The following TRAPPC9 variants were observed in gnomAD, a reference collection of about 807,000 sequenced individuals.
TRAPPC9 encodes the protein IKK2 binding protein.
A neutral mutation model predicts 124.0 loss-of-function variants in TRAPPC9; 83 were observed. That is an observed-to-expected ratio of 0.67 (90% CI 0.56 to 0.80). The LOEUF is 0.80. Ranked by LOEUF, TRAPPC9 falls within the 30% of genes least tolerant of loss-of-function variation. The pLI, the probability that TRAPPC9 is intolerant of heterozygous loss-of-function variation, is 0.00. For synonymous variants in TRAPPC9, 638 were observed against 617.5 expected, an observed-to-expected ratio of 1.03 and a Z score of -0.49; for missense variants, 1,302 against 1,508.3, an observed-to-expected ratio of 0.86 and a Z score of 2.27.
chr8:140,033,017 C>A (rs6999798), intron 17 of TRAPPC9, among the ~76,000 whole-genome samples: 64,065 of 152,046 alleles, frequency 0.42, 16,218 homozygotes, highest in Middle Eastern at 0.62. Flanking sequence ...GGCACATTTT[C>A]ATGCCTTTTT....
intron 17 of TRAPPC9, among the ~76,000 whole-genome samples, chr8:140,045,631 G>GAAAAAAA (rs57243402): frequency 4.2e-4 from 14 of 33,266 alleles, no homozygotes; most frequent in African/African-American, 1.2e-3. Context: ...CATCTCGGCA[G>GAAAAAAA]AAAAAAAAAA....
chr8:140,340,692 T>G (rs928431612), intron 9 of TRAPPC9, among the ~76,000 whole-genome samples: 10 of 152,250 alleles, frequency 6.6e-5, no homozygotes, highest in African/African-American at 2.4e-4. Context: ...TCTGCCTGAC[T>G]TTAAAGATCA....
chr8:139,815,740 G>A (rs935659253), intron 21 of TRAPPC9, among the ~76,000 whole-genome samples: 2 of 152,338 alleles, frequency 1.3e-5, no homozygotes, highest in South Asian at 4.1e-4. Context: ...CTGACAGGAG[G>A]GACTGTGCTA....
At chr8:139,753,928 A>T (rs564098341) in intron 21 of TRAPPC9, among the ~76,000 whole-genome samples, 2 of 152,318 alleles carry the variant, frequency 1.3e-5, no homozygotes, top group South Asian at 4.1e-4. Flanking sequence ...AAGCACCCCC[A>T]TCATGGTTGT....
At chr8:140,195,268 T>C (rs75567958) in intron 17 of TRAPPC9, among the ~76,000 whole-genome samples, 18 of 125,876 alleles carry the variant, frequency 1.4e-4, no homozygotes, top group South Asian at 2.6e-4. Context: ...CAACGATCCA[T>C]CATACAGATC....
At chr8:140,092,750 T>G (rs1219824782) in intron 17 of TRAPPC9, among the ~76,000 whole-genome samples, 1 of 152,222 alleles carries the variant, frequency 6.6e-6, no homozygotes, top group African/African-American at 2.4e-5. Context: ...CTCTGGGTGC[T>G]GGAAATGATG....
chr8:140,329,510 C>G (rs2066839874), intron 9 of TRAPPC9, among the ~76,000 whole-genome samples: 1 of 152,194 alleles, frequency 6.6e-6, no homozygotes, highest in Non-Finnish European at 1.5e-5. Flanking sequence ...CATTGCCTTA[C>G]TTAATATTTA....
intron 21 of TRAPPC9, among the ~76,000 whole-genome samples, chr8:139,789,282 T>C (rs747455888): frequency 1.3e-5 from 2 of 152,132 alleles, no homozygotes; most frequent in Admixed American, 1.3e-4. Flanking sequence ...TGAGGGGAGC[T>C]GCGTGGTTGG....
intron 16 of TRAPPC9, among the ~76,000 whole-genome samples, chr8:140,246,023 G>A (rs1421799165): frequency 5.3e-5 from 8 of 152,166 alleles, no homozygotes; most frequent in Non-Finnish European, 7.4e-5. Flanking sequence ...GTCCAATCGC[G>A]CAGTCTACAT....
At chr8:139,853,428 G>C (rs115981912) in intron 21 of TRAPPC9, among the ~76,000 whole-genome samples, 1 of 152,304 alleles carries the variant, frequency 6.6e-6, no homozygotes, top group African/African-American at 2.4e-5. Flanking sequence ...TCACCAAAGA[G>C]ACTCTGCCCC....
intron 5 of TRAPPC9, among the ~76,000 whole-genome samples, chr8:140,406,628 T>C (rs2069499874): frequency 6.6e-6 from 1 of 152,186 alleles, no homozygotes; most frequent in Admixed American, 6.5e-5. Context: ...CAAAAGGTTT[T>C]TTGGAACAAG....
At position 139,731,036 on chromosome 8, in the gene TRAPPC9, G is replaced by A. The variant is rs759094680; in HGVS notation, c.*25C>T. Reference sequence around the variant, plus strand: ...AGGCAGGGTCACCTCTGGCCCTGCAGAAAGAGGGACGGAAGTAGGCGGGCT... The same window carrying A: ...AGGCAGGGTCACCTCTGGCCCTGCAAAAAGAGGGACGGAAGTAGGCGGGCT... On this transcript the variant is annotated 3_prime_UTR_variant, in exon 23 of 23. Transcript: ENST00000438773. The A allele has an allele frequency of 2.5e-6, 4 of 1,610,496 alleles. No individual in the cohort carries two copies. Among genetic ancestry groups the A allele is most frequent in the Non-Finnish European group, 3.4e-6 (4 of 1,179,484 alleles).
Position 140,275,703 on chromosome 8 carries a change from G to C in TRAPPC9, c.2233C>G (p.Pro745Ala). Residue 745 changes from proline to alanine, a missense_variant, in exon 15 of 23, where the codon CCA (proline) becomes GCA (alanine). Pro to Ala is a conservative substitution (Grantham distance 27). Coordinates refer to ENST00000438773, the MANE Select transcript of TRAPPC9 (RefSeq NM_001160372.4). ...GAGGTGACCTCCAGTTTCTCCAATG[G>C]TTCCATTCCAATATTTTCCAATTTA... ...IIKLENIGME[P>A]LEKLEVTSKV... 4 of 1,614,098 alleles carry C rather than the reference G, an allele frequency of 2.5e-6. No homozygotes were observed. In the South Asian group the frequency reaches 4.4e-5, roughly 18 times the overall value.
intron 17 of TRAPPC9, among the ~76,000 whole-genome samples, chr8:140,209,170 C>T (rs771574015): frequency 6.6e-6 from 1 of 152,194 alleles, no homozygotes; most frequent in Non-Finnish European, 1.5e-5. Context: ...GCAGACGATC[C>T]GCCTAAAACA....
At chr8:140,251,290 G>T (rs1394720840) in intron 16 of TRAPPC9, among the ~76,000 whole-genome samples, 3 of 152,166 alleles carry the variant, frequency 2.0e-5, no homozygotes. Context: ...TTGGGAAGAA[G>T]AAGTCAGAAC....
rs113514949 is a variant in TRAPPC9 at position 140,401,570 on chromosome 8, G to A, written c.1009-3825C>T. ...TCACAAATTTTTCCCACATATTTTT[G>A]GTTAAATTTACATATTTTAATGTAT... is the stretch of plus-strand genomic sequence containing the variant. On this transcript the variant is annotated intron_variant, in intron 6 of 22. Coordinates refer to ENST00000438773, the MANE Select transcript of TRAPPC9 (RefSeq NM_001160372.4). 1.9e-3 allele frequency among the ~76,000 whole-genome samples: 286 copies of A among 152,064 alleles called. 1 individual carries two copies. The highest frequency in any genetic ancestry group is 6.7e-3 in the African/African-American group (278 of 41,468).
chr8:139,750,931 A>G (rs2130199513), intron 21 of TRAPPC9, among the ~76,000 whole-genome samples: 1 of 152,310 alleles, frequency 6.6e-6, no homozygotes, highest in East Asian at 1.9e-4. Flanking sequence ...CTCCAGCACT[A>G]GAGCCAAGAG....
At chr8:139,934,280 CAGAGAGAGAGAG>C (rs34430255) in intron 19 of TRAPPC9, among the ~76,000 whole-genome samples, 1 of 148,804 alleles carries the variant, frequency 6.7e-6, no homozygotes. Flanking sequence ...CAAGTCCAGT[CAGAGAGAGAGAG>C]AGAGAGAGAG....
rs6989675 is a variant in TRAPPC9 at position 140,089,232 on chromosome 8, C to G, written c.2557-65153G>C. 9.1e-4 allele frequency among the ~76,000 whole-genome samples: 138 copies of G among 152,210 alleles called. 1 individual carries two copies. The highest frequency in any genetic ancestry group is 2.6e-3 in the African/African-American group (107 of 41,488). The stretch of plus-strand genomic sequence containing the variant: ...AGCCCGCTTCAAAAGCCTCTTCCCC[C>G]CCGAGTGTTCCCCAGAGGCAGCACC... On this transcript the variant is annotated intron_variant, in intron 17 of 22. Transcript: ENST00000438773.
Sources: allele counts gnomAD v4.1 joint callset (sites outside exome capture counted in the v4.1 genomes callset), GRCh38; gene constraint gnomAD v4.1.1; transcripts MANE v1.5; gene names NCBI Gene and HGNC (gene_info 2026-07-23, HGNC 2026-07-21).